The following LIX1 variants were observed in gnomAD, a reference collection of about 807,000 sequenced individuals.
LIX1 encodes limb and CNS expressed 1.
LIX1 carries 24 observed loss-of-function variants against 33.4 expected under a neutral mutation model. The observed-to-expected ratio is 0.72, with a 90% confidence interval of 0.52 to 1.01. LIX1 has a LOEUF of 1.01. Among genes scored for constraint, LIX1 ranks in the 50% least tolerant of loss-of-function variants. LIX1 has a pLI of 0.00. For missense variants in LIX1, 311 were observed against 339.2 expected, an observed-to-expected ratio of 0.92 and a Z score of 0.65; for synonymous variants, 124 against 124.0, an observed-to-expected ratio of 1.00 and a Z score of 0.00.
chr5:97,137,880 T>C (rs1748204985), intron 1 of LIX1, among the ~76,000 whole-genome samples: 1 of 152,180 alleles, frequency 6.6e-6, no homozygotes, highest in African/African-American at 2.4e-5. Context: ...CACATAACTG[T>C]ACTAAAAAGC....
At chr5:97,115,022 G>C (rs1351356016) in intron 2 of LIX1, among the ~76,000 whole-genome samples, 1 of 152,098 alleles carries the variant, frequency 6.6e-6, no homozygotes, top group Non-Finnish European at 1.5e-5. Flanking sequence ...TCTACAATTA[G>C]ATCCTTAGGA....
At chr5:97,113,930 G>A (rs537213191) in intron 2 of LIX1, among the ~76,000 whole-genome samples, 4 of 152,190 alleles carry the variant, frequency 2.6e-5, no homozygotes, top group Non-Finnish European at 5.9e-5. Context: ...GGTACTCACT[G>A]AGGACAGGAA....
chr5:97,109,858 G>C (rs1414391036), intron 2 of LIX1, among the ~76,000 whole-genome samples: 1 of 151,562 alleles, frequency 6.6e-6, no homozygotes, highest in Non-Finnish European at 1.5e-5. Flanking sequence ...TTCCATTCCT[G>C]AGTTACTCCA....
At chr5:97,139,734 T>A (rs192838731) in intron 1 of LIX1, among the ~76,000 whole-genome samples, 21 of 152,202 alleles carry the variant, frequency 1.4e-4, no homozygotes, top group Non-Finnish European at 1.8e-4. Context: ...AAATTGGGAG[T>A]CCATCTTATT....
intron 4 of LIX1, among the ~76,000 whole-genome samples, chr5:97,100,694 G>A (rs1381425560): frequency 6.6e-6 from 1 of 152,026 alleles, no homozygotes; most frequent in African/African-American, 2.4e-5. Context: ...GGCTGCTGTG[G>A]AGTTCTGCTT....
chr5:97,107,608 C>T (rs1713761032), intron 2 of LIX1, 108 bp from the exon 3 acceptor site: 1 of 1,223,712 alleles, frequency 8.2e-7, no homozygotes, highest in East Asian at 2.4e-5. Context: ...TTACTGTCCG[C>T]ATCTATTCTG....
intron 1 of LIX1, among the ~76,000 whole-genome samples, chr5:97,141,319 C>A (rs573940171): frequency 6.6e-6 from 1 of 152,212 alleles, no homozygotes; most frequent in Non-Finnish European, 1.5e-5. Flanking sequence ...AGACTCCAGG[C>A]TAGAGTAGTG....
At chr5:97,107,627 C>T (rs1747128752) in intron 2 of LIX1, 127 bp from the exon 3 acceptor site, 1 of 1,006,646 alleles carries the variant, frequency 9.9e-7, no homozygotes, top group South Asian at 1.9e-5. Flanking sequence ...TGTTCATATA[C>T]ATTGCTAATT....
In LIX1 at chr5:97,094,872, A is replaced by C; in HGVS notation, c.725T>G (p.Leu242Arg). The change falls in exon 6 of 6, where the codon CTA becomes CGA. Residue 242 changes from leucine to arginine, a missense_variant. Transcript: ENST00000274382. ...TTCTTTCTTTTCTTTGTAAAACCGT[A>C]GTTCTTGTCCTGCTTTCCTGGCTTC... ...LEEARKAGQE[L>R]RFYKEKKEIL... 1 of 1,614,172 alleles carries C rather than the reference A, an allele frequency of 6.2e-7. No homozygotes were observed. Among genetic ancestry groups the C allele is most frequent in the Non-Finnish European group, 8.5e-7 (1 of 1,180,036 alleles).
intron 5 of LIX1, 66 bp from the exon 6 acceptor site, chr5:97,095,101 T>C: frequency 2.2e-6 from 3 of 1,387,722 alleles, no homozygotes; most frequent in Non-Finnish European, 3.0e-6. Flanking sequence ...TCCACATGCC[T>C]CCCCCTGCTT....
chr5:97,134,679 G>A (rs1373890714), intron 1 of LIX1, among the ~76,000 whole-genome samples: 1 of 152,230 alleles, frequency 6.6e-6, no homozygotes, highest in Admixed American at 6.5e-5. Flanking sequence ...TCATGAAAAT[G>A]AGTTGAAAAA....
chr5:97,126,143 A>G (rs1303637769), intron 1 of LIX1, among the ~76,000 whole-genome samples: 1 of 152,224 alleles, frequency 6.6e-6, no homozygotes, highest in Non-Finnish European at 1.5e-5. Flanking sequence ...GTCAACACTC[A>G]TGTTTTTTCA....
At chr5:97,114,428 C>T (rs943584544) in intron 2 of LIX1, among the ~76,000 whole-genome samples, 2 of 152,104 alleles carry the variant, frequency 1.3e-5, no homozygotes, top group African/African-American at 4.8e-5. Context: ...CATTTTGGCC[C>T]TGTATTTTAT....
At chr5:97,112,665 C>T (rs1747462035) in intron 2 of LIX1, among the ~76,000 whole-genome samples, 2 of 152,114 alleles carry the variant, frequency 1.3e-5, no homozygotes, top group South Asian at 4.1e-4. Context: ...GCATGTGGAG[C>T]CACATGCTTT....
chr5:97,115,375 G>T (rs1398158027), intron 2 of LIX1, among the ~76,000 whole-genome samples: 1 of 152,090 alleles, frequency 6.6e-6, no homozygotes, highest in Non-Finnish European at 1.5e-5. Flanking sequence ...ACCATCTTCT[G>T]GCCAAGCTGA....
chr5:97,096,997 A>G (rs1304309936), intron 4 of LIX1, 110 bp from the exon 5 acceptor site: 2 of 837,370 alleles, frequency 2.4e-6, no homozygotes, highest in Non-Finnish European at 4.0e-6. Context: ...AGAATACACA[A>G]TATTGTCACA....
At chr5:97,107,239 G>A (rs189522985) in intron 3 of LIX1, 121 bp downstream of exon 3, 2 of 990,532 alleles carry the variant, frequency 2.0e-6, no homozygotes, top group Admixed American at 2.5e-5. Context: ...AATTCAGTGG[G>A]TAAAAATTGA....
intron 1 of LIX1, among the ~76,000 whole-genome samples, chr5:97,140,808 A>G (rs1748270916): frequency 6.6e-6 from 1 of 152,230 alleles, no homozygotes; most frequent in African/African-American, 2.4e-5. Context: ...ATTCACGTCT[A>G]TTAAGCCATG....
At chr5:97,108,591 A>G (rs1747197331) in intron 2 of LIX1, among the ~76,000 whole-genome samples, 2 of 152,170 alleles carry the variant, frequency 1.3e-5, no homozygotes, top group African/African-American at 4.8e-5. Flanking sequence ...TGGAGAGCCC[A>G]GGAGTTGATG....
Sources: allele counts gnomAD v4.1 joint callset (sites outside exome capture counted in the v4.1 genomes callset), GRCh38; gene constraint gnomAD v4.1.1; transcripts MANE v1.5; gene names NCBI Gene and HGNC (gene_info 2026-07-23, HGNC 2026-07-21).